The following NUDCD3 variants were observed in gnomAD, a reference collection of about 807,000 sequenced individuals.
The protein encoded by NUDCD3 is NudC domain containing 3.
Under a neutral mutation model 39.7 loss-of-function variants are expected in NUDCD3, and 13 were observed. That is an observed-to-expected ratio of 0.33 (90% CI 0.21 to 0.52). The LOEUF (loss-of-function observed/expected upper bound fraction) is 0.52. NUDCD3 is among the 20% of genes least tolerant of loss of function. NUDCD3 has a pLI of 0.96. For synonymous variants in NUDCD3, 175 were observed against 172.4 expected (o/e 1.02, Z -0.12); for missense variants, 453 against 458.1 (o/e 0.99, Z 0.10).
At chr7:44,414,167 T>C (rs1798979763) in intron 3 of NUDCD3, among the ~76,000 whole-genome samples, 1 of 152,240 alleles carries the variant, frequency 6.6e-6, no homozygotes, top group South Asian at 2.1e-4. Flanking sequence ...CATTGTTTTA[T>C]TGTTTACAAC....
At chr7:44,431,291 T>C (rs2116907849) in intron 2 of NUDCD3, among the ~76,000 whole-genome samples, 1 of 152,246 alleles carries the variant, frequency 6.6e-6, no homozygotes, top group Middle Eastern at 3.4e-3. Flanking sequence ...TTGAAGATTA[T>C]GGAGTAGGTC....
chr7:44,403,615 G>A (rs1295776501), intron 4 of NUDCD3, among the ~76,000 whole-genome samples: 1 of 152,202 alleles, frequency 6.6e-6, no homozygotes, highest in Admixed American at 6.5e-5. Flanking sequence ...GTTTGTCCCT[G>A]CCAGTCAGCA....
At chr7:44,409,934 G>A (rs1331247662) in intron 3 of NUDCD3, among the ~76,000 whole-genome samples, 1 of 152,038 alleles carries the variant, frequency 6.6e-6, no homozygotes, top group Non-Finnish European at 1.5e-5. Flanking sequence ...CCACTTTTTA[G>A]CATTTAGAAG....
At chr7:44,468,152 G>C in intron 2 of NUDCD3, 1 of 1,605,478 alleles carries the variant, frequency 6.2e-7, no homozygotes, top group South Asian at 1.1e-5. Context: ...CAAGGAGCTG[G>C]AAGTGCTGCT....
chr7:44,402,605 T>TA (rs1376354611), intron 4 of NUDCD3: 4 of 456,192 alleles, frequency 8.8e-6, no homozygotes, highest in African/African-American at 8.0e-5. Flanking sequence ...ATGAAGTATC[T>TA]AAAAAGTGCA....
intron 4 of NUDCD3, among the ~76,000 whole-genome samples, chr7:44,396,819 C>A (rs530520590): frequency 1.3e-5 from 2 of 152,350 alleles, no homozygotes; most frequent in Admixed American, 6.5e-5. Context: ...TCTTGCAGGG[C>A]TGTCTTCCGA....
intron 2 of NUDCD3, among the ~76,000 whole-genome samples, chr7:44,479,050 G>A (rs867883206): frequency 2.0e-5 from 3 of 152,216 alleles, no homozygotes; most frequent in Admixed American, 6.5e-5. Context: ...GCAGGAAGAC[G>A]TGCCAAGCAA....
intron 2 of NUDCD3, among the ~76,000 whole-genome samples, chr7:44,462,777 T>TA (rs1232028392): frequency 6.6e-6 from 1 of 152,220 alleles, no homozygotes; most frequent in Admixed American, 6.5e-5. Flanking sequence ...CAATTTTAGA[T>TA]AAAAACCCAA....
chr7:44,390,719 G>T (rs1275315080), intron 5 of NUDCD3, among the ~76,000 whole-genome samples: 1 of 152,164 alleles, frequency 6.6e-6, no homozygotes, highest in Non-Finnish European at 1.5e-5. Flanking sequence ...AGAGTGGGCA[G>T]ACCCTCACAT....
intron 2 of NUDCD3, chr7:44,467,981 G>A: frequency 6.2e-7 from 1 of 1,612,170 alleles, no homozygotes; most frequent in Non-Finnish European, 8.5e-7. Flanking sequence ...AGACCAATAT[G>A]TCAAAATTAA....
rs11772092 is a variant in NUDCD3 at position 44,381,052 on chromosome 7, A to G, written c.*4959T>C. The G allele has an allele frequency of 0.12, 18,391 of 152,358 alleles. 1,503 individuals are homozygous for G. Among genetic ancestry groups the G allele is most frequent in the Non-Finnish European group, 0.18 (12,301 of 68,036 alleles). The allele number at this position is 152,358 out of a possible 1,614,324, so 9.4% of individuals were successfully genotyped here. A position where few individuals can be genotyped will look rare whatever the true frequency, so the allele number is the denominator to read the frequency against. On this transcript the variant is annotated 3_prime_UTR_variant, in exon 6 of 6. Transcript: ENST00000355451. Reference sequence around the variant, plus strand: ...ACAGCCTGAGTGACCTCCTCATAGCATGGGGTCAGTGCAGCGGCAATGTCT... The same window carrying G: ...ACAGCCTGAGTGACCTCCTCATAGCGTGGGGTCAGTGCAGCGGCAATGTCT...
At chr7:44,392,599 T>G in intron 4 of NUDCD3, 114 bp from the exon 5 acceptor site, 2 of 864,002 alleles carry the variant, frequency 2.3e-6, no homozygotes, top group Non-Finnish European at 3.6e-6. Context: ...CAGGACCAAC[T>G]ACACAAAGGG....
In NUDCD3 at chr7:44,396,087, TTGTGTGTGTGTG is replaced by T. The variant is rs10585173; in HGVS notation, c.787-3614_787-3603del. On this transcript the variant is annotated intron_variant, in intron 4 of 5. Transcript: ENST00000355451. ...CCTCACCAACACTTGTTATCTTCTG[TTGTGTGTGTGTG>T]TGTGTGTGTGTGTGTGTGTGTGTGT... Among the ~76,000 whole-genome samples the T allele has an allele frequency of 2.1e-3, 302 of 145,008 alleles. 1 individual carries two copies. The highest frequency in any genetic ancestry group is 6.9e-3 in the African/African-American group (266 of 38,444).
In NUDCD3 at chr7:44,437,369, T is replaced by C. The variant is rs1290808279; in HGVS notation, c.510-9666A>G. On this transcript the variant is annotated intron_variant, in intron 2 of 5. Transcript: ENST00000355451. ...AGGCGTGAGCCACCACACCTGGCCA[T>C]TACCATTCGACCTTTGTTTCTTTGT... 2.0e-5 allele frequency among the ~76,000 whole-genome samples: 3 copies of C among 152,276 alleles called. No individual in the cohort carries two copies. The East Asian group carries it at 5.8e-4, about 29-fold the overall frequency.
intron 2 of NUDCD3, among the ~76,000 whole-genome samples, chr7:44,432,754 T>C (rs1229260443): frequency 1.3e-5 from 2 of 152,208 alleles, no homozygotes. Context: ...AAGCCACTAC[T>C]CTGTGCAAAG....
chr7:44,426,713 G>A (rs944868673), intron 3 of NUDCD3, among the ~76,000 whole-genome samples: 4 of 150,774 alleles, frequency 2.7e-5, no homozygotes, highest in Admixed American at 2.6e-4. Context: ...GGAGAATGGC[G>A]TGAACCCGGG....
At chr7:44,387,009 T>G (rs768035287) in intron 5 of NUDCD3, among the ~76,000 whole-genome samples, 1 of 152,152 alleles carries the variant, frequency 6.6e-6, no homozygotes, top group Admixed American at 6.5e-5. Flanking sequence ...AAAGAGACTA[T>G]GTAGGGCCAG....
intron 2 of NUDCD3, among the ~76,000 whole-genome samples, chr7:44,438,872 T>C (rs1376516792): frequency 1.3e-5 from 2 of 152,200 alleles, no homozygotes; most frequent in Non-Finnish European, 2.9e-5. Flanking sequence ...CTTGTTAACA[T>C]GTATTTCTCA....
chr7:44,391,255 C>G (rs1012511223), intron 5 of NUDCD3, among the ~76,000 whole-genome samples: 1 of 152,142 alleles, frequency 6.6e-6, no homozygotes, highest in Admixed American at 6.5e-5. Context: ...AGGACATGCC[C>G]CTGGTGTGGC....
Sources: gnomAD v4.1 joint callset for allele counts (sites outside exome capture counted in the v4.1 genomes callset) on GRCh38, gnomAD v4.1.1 for gene constraint, MANE v1.5 for transcripts, NCBI Gene and HGNC (gene_info 2026-07-23, HGNC 2026-07-21) for gene names.